Variants in RSL1D1 observed in about 807,000 individuals in gnomAD.
RSL1D1 encodes the protein ribosomal L1 domain-containing protein 1.
RSL1D1 carries 34 observed loss-of-function variants against 44.6 expected under a neutral mutation model. That is an observed-to-expected ratio of 0.76 (90% CI 0.58 to 1.02). The LOEUF (loss-of-function observed/expected upper bound fraction) is 1.02, where lower values mean the gene tolerates loss of function less well. Ranked by LOEUF, RSL1D1 falls within the 50% of genes least tolerant of loss-of-function variation. RSL1D1 has a pLI of 0.00. For synonymous variants in RSL1D1, 271 were observed against 207.4 expected, an observed-to-expected ratio of 1.31 and a Z score of -2.63; for missense variants, 767 against 568.1, an observed-to-expected ratio of 1.35 and a Z score of -3.56.
intron 5 of RSL1D1, among the ~76,000 whole-genome samples, chr16:11,843,231 G>A (rs915379281): frequency 1.3e-5 from 2 of 151,386 alleles, no homozygotes; most frequent in East Asian, 2.0e-4. Context: ...CACTGCGCCC[G>A]GCCTAATTTG....
chr16:11,844,909 A>G (rs1358564254), intron 5 of RSL1D1, among the ~76,000 whole-genome samples: 1 of 152,194 alleles, frequency 6.6e-6, no homozygotes, highest in African/African-American at 2.4e-5. Context: ...AGCCTAATAA[A>G]ATAGCCTGAA....
In RSL1D1 at chr16:11,837,077, G is replaced by T. The variant is rs1236106103; in HGVS notation, c.*710C>A. ...GAGCCTCAACCTCTTGCGCTCACTT[G>T]ATCCTTCCACCTCAGCCTCGTGAGG... On this transcript the variant is annotated 3_prime_UTR_variant, in exon 9 of 9. Coordinates refer to ENST00000571133, the MANE Select transcript of RSL1D1 (RefSeq NM_015659.3). 6.6e-6 allele frequency: 1 copy of T among 152,172 alleles called. No homozygotes were observed. Among genetic ancestry groups the T allele is most frequent in the Non-Finnish European group, 1.5e-5 (1 of 68,076 alleles). The allele number at this position is 152,172 out of a possible 1,614,324, so 9.4% of individuals were successfully genotyped here. A position where few individuals can be genotyped will look rare whatever the true frequency, so the allele number is the denominator to read the frequency against.
At chr16:11,845,337 C>T (rs933868727) in intron 5 of RSL1D1, among the ~76,000 whole-genome samples, 4 of 152,154 alleles carry the variant, frequency 2.6e-5, no homozygotes, top group Non-Finnish European at 5.9e-5. Context: ...TCTGTAGTCC[C>T]AGCTACTCAG....
intron 2 of RSL1D1, 46 bp from the exon 3 acceptor site, chr16:11,847,852 A>C (rs917573592): frequency 6.3e-7 from 1 of 1,576,902 alleles, no homozygotes; most frequent in African/African-American, 1.4e-5. Context: ...TATTACACAC[A>C]TTATGCATGT....
chr16:11,840,090 T>G, intron 7 of RSL1D1, 105 bp from the exon 8 acceptor site: 7 of 1,496,404 alleles, frequency 4.7e-6, no homozygotes, highest in African/African-American at 1.4e-5. Context: ...AGCCCCTAAA[T>G]GGACCTCGAT....
At chr16:11,842,340 A>C (rs1567419000) in intron 5 of RSL1D1, among the ~76,000 whole-genome samples, 3 of 148,716 alleles carry the variant, frequency 2.0e-5, no homozygotes, top group Admixed American at 6.6e-5. Flanking sequence ...GAAAAAAAAA[A>C]CAAAACAAAA....
chr16:11,850,325 T>C lies in RSL1D1; in HGVS notation c.199A>G (p.Met67Val), dbSNP rs933832558. The change falls in exon 2 of 9, where the codon ATG becomes GTG. Residue 67 changes from methionine (M) to valine (V), a missense_variant. Coordinates refer to ENST00000571133, the MANE Select transcript of RSL1D1 (RefSeq NM_015659.3). ...CTTGGAATTTTCCATAATACCACCA[T>C]TAAAAATAAACTTTCATTCTCATTC... is the stretch of plus-strand genomic sequence containing the variant. ...LLNENESLFLMVVLWKIPSKE... is the reference protein window; with the variant it reads ...LLNENESLFLVVVLWKIPSKE... The C allele has an allele frequency of 2.6e-5, 41 of 1,596,602 alleles. No individual in the cohort carries two copies. The highest frequency in any genetic ancestry group is 3.4e-5 in the Non-Finnish European group (40 of 1,176,044).
In RSL1D1 at chr16:11,839,841, C is replaced by G. The variant is rs780900732; in HGVS notation, c.1000G>C (p.Glu334Gln). Reference sequence around the variant, plus strand: ...TCTGGGGTCTGTTCCTTCTTTGATTCAGGTTTCTTCACTGTAGTATCACCA... The same window carrying G: ...TCTGGGGTCTGTTCCTTCTTTGATTGAGGTTTCTTCACTGTAGTATCACCA... Reference protein sequence around the residue: ...ESGDTTVKKPESKKEQTPEHG... With the variant: ...ESGDTTVKKPQSKKEQTPEHG... The change falls in exon 8 of 9, where the codon GAA becomes CAA. Residue 334 changes from glutamate (E) to glutamine (Q), a missense_variant. By Grantham distance (29) the Glu-to-Gln change is conservative. Coordinates refer to ENST00000571133, the MANE Select transcript of RSL1D1 (RefSeq NM_015659.3). The G allele has an allele frequency of 1.2e-6, 2 of 1,614,112 alleles. No individual in the cohort carries two copies. Among genetic ancestry groups the G allele is most frequent in the Non-Finnish European group, 1.7e-6 (2 of 1,180,028 alleles).
At position 11,837,718 on chromosome 16, in the gene RSL1D1, C is replaced by T; in HGVS notation, c.*69G>A. ...GTTTAGAGAAGGTTACAAAGGCGGC[C>T]AGGATCTGAGTATTTCCAAAAAGCT... is the stretch of plus-strand genomic sequence containing the variant. On this transcript the variant is annotated 3_prime_UTR_variant, in exon 9 of 9. Coordinates refer to ENST00000571133, the MANE Select transcript of RSL1D1 (RefSeq NM_015659.3). 1 of 1,374,738 alleles carries T rather than the reference C, an allele frequency of 7.3e-7. No individual in the cohort carries two copies. The highest frequency in any genetic ancestry group is 1.4e-5 in the South Asian group (1 of 73,260). 85.2% of individuals were successfully genotyped at this position (1,374,738 alleles called of 1,614,324 possible).
At position 11,847,930 on chromosome 16, in the gene RSL1D1, AAAT is replaced by A. The variant is rs560177241; in HGVS notation, c.246-127_246-125del. 358 of 961,744 alleles carry A rather than the reference AAAT, an allele frequency of 3.7e-4. 2 individuals carry two copies. The African/African-American group carries it at 5.2e-3, about 14-fold the overall frequency. 59.6% of individuals were successfully genotyped at this position (961,744 alleles called of 1,614,324 possible). A position where few individuals can be genotyped will look rare whatever the true frequency, so the allele number is the denominator to read the frequency against. ...TAACTTTTAGTCATGCTAGTTAAGC[AAAT>A]AATGCACCAAGAACAACACTTAAAA... On this transcript the variant is annotated intron_variant, in intron 2 of 8. Coordinates refer to ENST00000571133, the MANE Select transcript of RSL1D1 (RefSeq NM_015659.3).
chr16:11,835,746 G>C lies in RSL1D1; in HGVS notation c.*2041C>G, dbSNP rs957589911. ...AGCAATCCACCCAGCGTTCCAAAGT[G>C]CTGGGATTATGTTGCGAAAAGCTGA... is the stretch of plus-strand genomic sequence containing the variant. On this transcript the variant is annotated 3_prime_UTR_variant, in exon 9 of 9. Transcript: ENST00000571133. The C allele has an allele frequency of 4.6e-5, 7 of 152,380 alleles. No individual in the cohort carries two copies. Among genetic ancestry groups the C allele is most frequent in the African/African-American group, 1.7e-4 (7 of 41,446 alleles). 9.4% of individuals were successfully genotyped at this position (152,380 alleles called of 1,614,324 possible). A position where few individuals can be genotyped will look rare whatever the true frequency, so the allele number is the denominator to read the frequency against.
Position 11,834,171 on chromosome 16 carries a change from G to A in RSL1D1, c.*3616C>T, listed in dbSNP as rs1801929397. ...GTGTATGCAACACTTCTGAAGCCTT[G>A]GAAACATAGTACAGAATGTACCCAT... is the stretch of plus-strand genomic sequence containing the variant. On this transcript the variant is annotated 3_prime_UTR_variant, in exon 9 of 9. Coordinates refer to ENST00000571133, the MANE Select transcript of RSL1D1 (RefSeq NM_015659.3). 1 of 152,102 alleles carries A rather than the reference G, an allele frequency of 6.6e-6. No individual in the cohort carries two copies. The highest frequency in any genetic ancestry group is 1.5e-5 in the Non-Finnish European group (1 of 68,038). The allele number at this position is 152,102 out of a possible 1,614,324, so 9.4% of individuals were successfully genotyped here.
At position 11,846,415 on chromosome 16, in the gene RSL1D1, A is replaced by AAAAAC. The variant is rs1005018527; in HGVS notation, c.635+81_635+85dup. 167 of 821,970 alleles carry AAAAAC rather than the reference A, an allele frequency of 2.0e-4. 2 individuals are homozygous for AAAAAC. The highest frequency in any genetic ancestry group is 3.7e-4 in the Middle Eastern group (1 of 2,668). 50.9% of individuals were successfully genotyped at this position (821,970 alleles called of 1,614,324 possible). On this transcript the variant is annotated intron_variant, in intron 5 of 8. Coordinates refer to ENST00000571133, the MANE Select transcript of RSL1D1 (RefSeq NM_015659.3). ...ATCTCAAAAAAAAAAAACAAAAACA[A>AAAAAC]AAAACAAAACAAAACGAATAAGTAT...
Position 11,846,482 on chromosome 16 carries a change from A to G in RSL1D1, c.635+19T>C. ...AAATACAAGATTAAAAGAGGCACAC[A>G]TGAATGCCTTTTACCTACCTGCAAG... On this transcript the variant is annotated intron_variant, in intron 5 of 8. Transcript: ENST00000571133. The G allele has an allele frequency of 8.4e-7, 1 of 1,193,674 alleles. No homozygotes were observed. Among genetic ancestry groups the G allele is most frequent in the South Asian group, 1.3e-5 (1 of 76,528 alleles). 73.9% of individuals were successfully genotyped at this position (1,193,674 alleles called of 1,614,324 possible).
At position 11,847,686 on chromosome 16, in the gene RSL1D1, T is replaced by G; in HGVS notation, c.366A>C (p.Gly122=). 2 of 1,611,772 alleles carry G rather than the reference T, an allele frequency of 1.2e-6. No individual in the cohort carries two copies. Among genetic ancestry groups the G allele is most frequent in the African/African-American group, 2.7e-5 (2 of 74,972 alleles). The change falls in exon 3 of 9, where the codon GGA becomes GGC. Residue 122 remains glycine, a synonymous_variant. Coordinates refer to ENST00000571133, the MANE Select transcript of RSL1D1 (RefSeq NM_015659.3). ...QFYRKLLNKH[G]IKTVSQIISL... is the part of the protein sequence containing the mutation. The stretch of plus-strand genomic sequence containing the variant: ...TTCCTACCTGAGAAACGGTTTTAAT[T>G]CCATGCTTGTTTAAAAGCTTTCTAT...
Position 11,837,507 on chromosome 16 carries a change from T to G in RSL1D1, c.*280A>C, listed in dbSNP as rs1311006903. ...CTGGGATTACAGGTGTCCACCACCA[T>G]GCCCAATTAATTTTTGTATTTTTGG... is the stretch of plus-strand genomic sequence containing the variant. On this transcript the variant is annotated 3_prime_UTR_variant, in exon 9 of 9. Transcript: ENST00000571133. 3.7e-6 allele frequency: 1 copy of G among 271,060 alleles called. No individual in the cohort carries two copies. The highest frequency in any genetic ancestry group is 7.0e-6 in the Non-Finnish European group (1 of 143,566). The allele number at this position is 271,060 out of a possible 1,614,324, so 16.8% of individuals were successfully genotyped here.
rs1266079064 is a variant in RSL1D1, at chr16:11,836,042, G to T, written c.*1745C>A. 6.6e-6 allele frequency: 1 copy of T among 152,170 alleles called. No homozygotes were observed. The highest frequency in any genetic ancestry group is 1.5e-5 in the Non-Finnish European group (1 of 68,036). 9.4% of individuals were successfully genotyped at this position (152,170 alleles called of 1,614,324 possible). A position where few individuals can be genotyped will look rare whatever the true frequency, so the allele number is the denominator to read the frequency against. ...GGATCGACTGTAACTTGAGTTAAAA[G>T]AACCTGCTCTCCATCATCTCAAGTA... On this transcript the variant is annotated 3_prime_UTR_variant, in exon 9 of 9. Transcript: ENST00000571133.
At position 11,839,997 on chromosome 16, in the gene RSL1D1, C is replaced by T; in HGVS notation, c.856-12G>A. The T allele has an allele frequency of 6.2e-7, 1 of 1,609,572 alleles. No individual in the cohort carries two copies. The highest frequency in any genetic ancestry group is 8.5e-7 in the Non-Finnish European group (1 of 1,178,450). ...TTTCTCCTTGCCTCCTACCAAAAAACACCATACAAACATTTTAGCAGGAAC... is the reference window on the plus strand; with the variant it reads ...TTTCTCCTTGCCTCCTACCAAAAAATACCATACAAACATTTTAGCAGGAAC... On this transcript the variant is annotated splice_polypyrimidine_tract_variant and intron_variant, in intron 7 of 8. Transcript: ENST00000571133.
chr16:11,848,498 C>G (rs2053814339), intron 2 of RSL1D1, among the ~76,000 whole-genome samples: 1 of 152,154 alleles, frequency 6.6e-6, no homozygotes, highest in South Asian at 2.1e-4. Context: ...CTTTAAAACT[C>G]TTAGCTCCAT....
Sources: allele counts gnomAD v4.1 joint callset (sites outside exome capture counted in the v4.1 genomes callset), GRCh38; gene constraint gnomAD v4.1.1; transcripts MANE v1.5; gene names NCBI Gene and HGNC (gene_info 2026-07-23, HGNC 2026-07-21).